Variants in FKBP9 observed in about 807,000 individuals in gnomAD.
FKBP9 encodes the protein peptidyl-prolyl cis-trans isomerase FKBP9.
A neutral mutation model predicts 55.6 loss-of-function variants in FKBP9; 27 were observed. The observed-to-expected ratio is 0.49, with a 90% CI of 0.36 to 0.67. The LOEUF is 0.67. Ranked by LOEUF, FKBP9 falls within the 30% of genes least tolerant of loss-of-function variation. The probability of loss-of-function intolerance (pLI) is 0.00; values close to 1 mark genes in which losing one functional copy is unlikely to be tolerated. For synonymous variants in FKBP9, 267 were observed against 296.5 expected (o/e 0.90, Z 1.02); for missense variants, 539 against 742.8 (o/e 0.73, Z 3.19).
chr7:33,000,062 C>G (rs1203259095), intron 7 of FKBP9, 53 bp from the exon 8 acceptor site: 3 of 1,609,356 alleles, frequency 1.9e-6, no homozygotes, highest in South Asian at 1.1e-5. Context: ...TGGGAACACT[C>G]TCAGTGCCAA....
chr7:32,974,170 A>T (rs1784311332), intron 1 of FKBP9, among the ~76,000 whole-genome samples: 2 of 143,204 alleles, frequency 1.4e-5, no homozygotes, highest in Admixed American at 1.4e-4. Flanking sequence ...CACCTGGCTA[A>T]TTATATGTAT....
intron 7 of FKBP9, among the ~76,000 whole-genome samples, chr7:32,997,737 A>G (rs1455417861): frequency 2.0e-5 from 3 of 152,298 alleles, no homozygotes; most frequent in African/African-American, 7.2e-5. Context: ...CTGAGGCAGG[A>G]GAATCTCTTG....
chr7:32,984,518 A>G (rs1325914231), intron 5 of FKBP9, among the ~76,000 whole-genome samples: 1 of 152,192 alleles, frequency 6.6e-6, no homozygotes, highest in Non-Finnish European at 1.5e-5. Context: ...TGGGCCTCTC[A>G]AAGTGCTGGG....
At chr7:32,980,048 T>C (rs2953563) in intron 4 of FKBP9, among the ~76,000 whole-genome samples, 4 of 152,298 alleles carry the variant, frequency 2.6e-5, no homozygotes. Context: ...CACAGAGGTA[T>C]GTATTTGGGT....
At chr7:32,979,087 G>A (rs1360538331) in intron 4 of FKBP9, among the ~76,000 whole-genome samples, 2 of 152,228 alleles carry the variant, frequency 1.3e-5, no homozygotes, top group South Asian at 2.1e-4. Context: ...TGGCCAGCAT[G>A]GGGAAACCCC....
intron 5 of FKBP9, among the ~76,000 whole-genome samples, chr7:32,986,748 G>A (rs1465073381): frequency 2.0e-5 from 3 of 152,292 alleles, no homozygotes; most frequent in South Asian, 2.1e-4. Flanking sequence ...CCTGTGTATC[G>A]GCCTGGCCCT....
In FKBP9 at chr7:33,005,281, A is replaced by G. The variant is rs1336994804; in HGVS notation, c.1643A>G (p.Asn548Ser). The G allele has an allele frequency of 5.6e-6, 9 of 1,614,094 alleles. No individual in the cohort carries two copies. Among genetic ancestry groups the G allele is most frequent in the Non-Finnish European group, 7.6e-6 (9 of 1,180,036 alleles). ...AATATGTTCACCAACCAGGACCGGA[A>G]TGGAGATGGGAAGGTCACAGCCGAG... ...VKNMFTNQDR[N>S]GDGKVTAEEF... The change falls in exon 10 of 10, where the codon AAT becomes AGT. Residue 548 changes from asparagine to serine, a missense_variant. Coordinates refer to ENST00000242209, the MANE Select transcript of FKBP9 (RefSeq NM_007270.5).
At chr7:32,982,984 ATGTGTGTGTGTGTGTG>A (rs71559288) in intron 5 of FKBP9, among the ~76,000 whole-genome samples, 14 of 142,138 alleles carry the variant, frequency 9.8e-5, no homozygotes, top group Non-Finnish European at 1.7e-4. Context: ...GTCAAAGGTT[ATGTGTGTGTGTGTGTG>A]TGTGTGTGTG....
intron 1 of FKBP9, among the ~76,000 whole-genome samples, chr7:32,973,606 T>TGTGTGTGTGTGTG (rs1583847771): frequency 5.5e-5 from 8 of 146,758 alleles, no homozygotes; most frequent in Admixed American, 1.4e-4. Context: ...TGTGTGTGTG[T>TGTGTGTGTGTGTG]TAACTTTGGC....
At chr7:32,992,673 T>G (rs1784708281) in intron 6 of FKBP9, 1 of 193,828 alleles carries the variant, frequency 5.2e-6, no homozygotes, top group African/African-American at 2.3e-5. Flanking sequence ...TGGTGCTGCC[T>G]GGGGTAGGTG....
chr7:33,002,808 A>T lies in FKBP9; in HGVS notation c.1505A>T (p.Lys502Met), dbSNP rs1172742068. ...VSPNLFEEIDKDGNGEVLLEE... is the reference protein window; with the variant it reads ...VSPNLFEEIDMDGNGEVLLEE... ...CCCAACCTCTTTGAAGAAATTGACAAGGATGGCAACGGAGAAGTCCTCCTG... is the reference window on the plus strand; with the variant it reads ...CCCAACCTCTTTGAAGAAATTGACATGGATGGCAACGGAGAAGTCCTCCTG... Residue 502 changes from lysine to methionine, a missense_variant, in exon 9 of 10, where the codon AAG (lysine) becomes ATG (methionine). Physicochemically the swap from Lys to Met is moderately conservative, Grantham distance 95. Transcript: ENST00000242209. 1.4e-5 allele frequency: 22 copies of T among 1,614,022 alleles called. 1 individual carries two copies. In the Admixed American group the frequency reaches 3.7e-4, roughly 27 times the overall value.
At chr7:32,977,485 A>G (rs1176579213) in intron 4 of FKBP9, among the ~76,000 whole-genome samples, 1 of 152,194 alleles carries the variant, frequency 6.6e-6, no homozygotes. Context: ...ACTGTAACAC[A>G]ATGGTAAGAA....
intron 4 of FKBP9, among the ~76,000 whole-genome samples, chr7:32,979,270 A>C (rs1784422692): frequency 6.6e-6 from 1 of 151,610 alleles, no homozygotes; most frequent in African/African-American, 2.4e-5. Flanking sequence ...CTCCGTCTCA[A>C]GAAAAAAAAA....
At chr7:32,978,114 A>T (rs927136681) in intron 4 of FKBP9, among the ~76,000 whole-genome samples, 1 of 151,246 alleles carries the variant, frequency 6.6e-6, no homozygotes, top group African/African-American at 2.4e-5. Context: ...TAGAGACAGC[A>T]TTTCGCCATG....
At chr7:32,998,608 A>G (rs1485169747) in intron 7 of FKBP9, 1 of 152,366 alleles carries the variant, frequency 6.6e-6, no homozygotes, top group African/African-American at 2.4e-5. Flanking sequence ...TGTGAGCTTC[A>G]GAATACTGGG....
chr7:32,977,910 C>CATAT lies in FKBP9; in HGVS notation c.703+1419_703+1422dup, dbSNP rs70989917. Among the ~76,000 whole-genome samples, 225 of 130,112 alleles carry CATAT rather than the reference C, an allele frequency of 1.7e-3. 3 individuals are homozygous for CATAT. The highest frequency in any genetic ancestry group is 1.7e-3 in the Non-Finnish European group (110 of 63,880). The allele number at this position is 130,112 out of a possible 152,430, so 85.4% of individuals were successfully genotyped here. ...ATATATACACTCATATATATATACT[C>CATAT]ATATATATATACACTTTTTTTTTTT... On this transcript the variant is annotated intron_variant, in intron 4 of 9. Transcript: ENST00000242209.
In FKBP9 at chr7:32,957,754, T is replaced by C; in HGVS notation, c.181T>C (p.Tyr61His). The change falls in exon 1 of 10, where the codon TAC (tyrosine) becomes CAC (histidine). Residue 61 changes from tyrosine to histidine, a missense_variant. This residue lies in a region of FKBP9 where 236 missense variants were observed against 271.5 expected (regional missense o/e 0.87). Transcript: ENST00000242209. ...VRSGDFVRYH[Y>H]VGTFPDGQKF... ...CAGCGGCGACTTCGTGCGCTACCAC[T>C]ACGTGGGGACGTTCCCCGACGGCCA... is the stretch of plus-strand genomic sequence containing the variant. The C allele has an allele frequency of 6.7e-7, 1 of 1,499,452 alleles. No individual in the cohort carries two copies. The highest frequency in any genetic ancestry group is 8.9e-7 in the Non-Finnish European group (1 of 1,127,880). The allele number at this position is 1,499,452 out of a possible 1,614,324, so 92.9% of individuals were successfully genotyped here.
chr7:32,979,271 GA>G (rs112212455), intron 4 of FKBP9, among the ~76,000 whole-genome samples: 35 of 142,016 alleles, frequency 2.5e-4, no homozygotes, highest in Admixed American at 2.8e-4. Flanking sequence ...TCCGTCTCAA[GA>G]AAAAAAAAAA....
At chr7:32,992,671 C>T (rs1784708237) in intron 6 of FKBP9, 1 of 193,460 alleles carries the variant, frequency 5.2e-6, no homozygotes, top group Non-Finnish European at 1.1e-5. Flanking sequence ...CTTGGTGCTG[C>T]CTGGGGTAGG....
Sources: allele counts gnomAD v4.1 joint callset (sites outside exome capture counted in the v4.1 genomes callset), GRCh38; gene constraint gnomAD v4.1.1; regional missense constraint gnomAD v4.1.1; transcripts MANE v1.5; gene names NCBI Gene and HGNC (gene_info 2026-07-23, HGNC 2026-07-21).